The following MYO1D variants were observed in gnomAD, a reference collection of about 807,000 sequenced individuals.
The protein encoded by MYO1D is unconventional myosin-Id.
Under a neutral mutation model 122.0 loss-of-function variants are expected in MYO1D, and 83 were observed. The observed-to-expected ratio is 0.68, with a 90% CI of 0.57 to 0.82. The LOEUF (loss-of-function observed/expected upper bound fraction) is 0.82, where lower values mean the gene tolerates loss of function less well. MYO1D is among the 40% of genes least tolerant of loss of function. MYO1D has a pLI of 0.00. For missense variants in MYO1D, 1,157 were observed against 1,269.5 expected, an observed-to-expected ratio of 0.91 and a Z score of 1.35; for synonymous variants, 464 against 446.9, an observed-to-expected ratio of 1.04 and a Z score of -0.48.
At chr17:32,612,917 C>T (rs181288442) in intron 20 of MYO1D, among the ~76,000 whole-genome samples, 127 of 151,858 alleles carry the variant, frequency 8.4e-4, no homozygotes, top group African/African-American at 2.9e-3. Flanking sequence ...CACAGGAGCA[C>T]GTCACCACAC....
At chr17:32,827,092 G>A (rs2090729115) in intron 1 of MYO1D, among the ~76,000 whole-genome samples, 1 of 151,566 alleles carries the variant, frequency 6.6e-6, no homozygotes, top group Non-Finnish European at 1.5e-5. Flanking sequence ...GCACACTAAT[G>A]TTCATGGCAG....
chr17:32,669,610 C>T (rs1459575125), intron 16 of MYO1D, among the ~76,000 whole-genome samples: 1 of 152,098 alleles, frequency 6.6e-6, no homozygotes, highest in Non-Finnish European at 1.5e-5. Context: ...ATTTGCAGGC[C>T]CCAGGCACTG....
chr17:32,717,942 T>TG (rs2089466934), intron 15 of MYO1D, among the ~76,000 whole-genome samples: 1 of 152,160 alleles, frequency 6.6e-6, no homozygotes, highest in African/African-American at 2.4e-5. Context: ...CCCCTATTCT[T>TG]GGTGTTCTTT....
At chr17:32,521,276 T>C (rs751078131) in intron 21 of MYO1D, among the ~76,000 whole-genome samples, 35 of 151,994 alleles carry the variant, frequency 2.3e-4, no homozygotes, top group African/African-American at 4.8e-5. Flanking sequence ...ACCTACTCCT[T>C]AGAAACACAC....
chr17:32,576,154 C>G (rs2087276856), intron 21 of MYO1D, among the ~76,000 whole-genome samples: 1 of 152,182 alleles, frequency 6.6e-6, no homozygotes, highest in Non-Finnish European at 1.5e-5. Context: ...GGAAGCATGT[C>G]AAAATATCTA....
chr17:32,609,581 C>G (rs529114721), intron 20 of MYO1D, among the ~76,000 whole-genome samples: 1 of 152,270 alleles, frequency 6.6e-6, no homozygotes, highest in East Asian at 1.9e-4. Flanking sequence ...TCTGCAGGCC[C>G]GGGAACTAGA....
At chr17:32,726,560 C>T (rs1049682802) in intron 14 of MYO1D, among the ~76,000 whole-genome samples, 3 of 149,706 alleles carry the variant, frequency 2.0e-5, no homozygotes, top group Admixed American at 6.7e-5. Flanking sequence ...ATGTAAATTA[C>T]AATCTAAATA....
At chr17:32,548,255 TTG>T (rs2086981278) in intron 21 of MYO1D, among the ~76,000 whole-genome samples, 1 of 151,578 alleles carries the variant, frequency 6.6e-6, no homozygotes, top group Admixed American at 6.6e-5. Context: ...TTTATATTTT[TTG>T]TCTCTACAAA....
chr17:32,614,583 C>A (rs2087747648), intron 20 of MYO1D, among the ~76,000 whole-genome samples: 2 of 152,136 alleles, frequency 1.3e-5, no homozygotes, highest in Non-Finnish European at 2.9e-5. Context: ...CTGTTCTGTT[C>A]ATCTGTCTCT....
At chr17:32,722,281 T>C (rs756401891) in intron 14 of MYO1D, among the ~76,000 whole-genome samples, 1 of 152,244 alleles carries the variant, frequency 6.6e-6, no homozygotes, top group Non-Finnish European at 1.5e-5. Context: ...CAGATTATCA[T>C]AAATCTAGTA....
chr17:32,598,127 A>G (rs1179729014), intron 21 of MYO1D, among the ~76,000 whole-genome samples: 2 of 152,162 alleles, frequency 1.3e-5, no homozygotes, highest in Non-Finnish European at 2.9e-5. Flanking sequence ...TAATCCCAGC[A>G]CTTTGCGGGG....
Position 32,618,084 on chromosome 17 carries a change from C to T in MYO1D, c.2710-12843G>A, listed in dbSNP as rs12150312. Among the ~76,000 whole-genome samples, 1,050 of 152,304 alleles carry T rather than the reference C, an allele frequency of 6.9e-3. 4 individuals carry two copies. Among genetic ancestry groups the T allele is most frequent in the Middle Eastern group, 0.014 (4 of 294 alleles). Reference sequence around the variant, plus strand: ...GCTCTCTGTGACTGCACGCCTGGATCACATGATCCAAACATCATACCAGTA... The same window carrying T: ...GCTCTCTGTGACTGCACGCCTGGATTACATGATCCAAACATCATACCAGTA... On this transcript the variant is annotated intron_variant, in intron 20 of 21. Transcript: ENST00000318217.
In MYO1D at chr17:32,605,039, G is replaced by T. The variant is rs767920098; in HGVS notation, c.2864+48C>A. On this transcript the variant is annotated intron_variant, in intron 21 of 21. Transcript: ENST00000318217. ...AAGCTCAGTGATAATTACGATTAAA[G>T]ATTTCATAGATTTAAAACGTGTCTT... The T allele has an allele frequency of 1.0e-5, 15 of 1,488,022 alleles. No homozygotes were observed. The African/African-American group carries it at 2.1e-4, about 21-fold the overall frequency. 92.2% of individuals were successfully genotyped at this position (1,488,022 alleles called of 1,614,324 possible). A position where few individuals can be genotyped will look rare whatever the true frequency, so the allele number is the denominator to read the frequency against.
At chr17:32,709,018 A>G (rs1159693315) in intron 16 of MYO1D, among the ~76,000 whole-genome samples, 4 of 152,180 alleles carry the variant, frequency 2.6e-5, no homozygotes, top group Non-Finnish European at 5.9e-5. Context: ...ATCTTTTTAT[A>G]TATGAGCTGG....
intron 1 of MYO1D, among the ~76,000 whole-genome samples, chr17:32,873,991 C>G (rs916210953): frequency 2.6e-5 from 4 of 152,126 alleles, no homozygotes; most frequent in African/African-American, 9.7e-5. Flanking sequence ...TCACTGTCAC[C>G]CAGAGTCAGC....
chr17:32,580,342 G>A (rs1032824237), intron 21 of MYO1D, among the ~76,000 whole-genome samples: 7 of 84,626 alleles, frequency 8.3e-5, no homozygotes, highest in Non-Finnish European at 1.6e-4. Flanking sequence ...AATGGATGCC[G>A]GATTTTAAAT....
intron 5 of MYO1D, among the ~76,000 whole-genome samples, chr17:32,772,584 A>G (rs960988403): frequency 1.3e-5 from 2 of 152,240 alleles, no homozygotes; most frequent in Non-Finnish European, 2.9e-5. Flanking sequence ...AGCTCCTGCC[A>G]GCTGGGTGGA....
intron 20 of MYO1D, among the ~76,000 whole-genome samples, chr17:32,613,220 T>C (rs1037973088): frequency 1.3e-5 from 2 of 152,192 alleles, no homozygotes; most frequent in Admixed American, 6.5e-5. Context: ...GGTTATGTTA[T>C]AGGCCCAGGT....
chr17:32,828,062 G>A (rs2090738095), intron 1 of MYO1D, among the ~76,000 whole-genome samples: 1 of 152,204 alleles, frequency 6.6e-6, no homozygotes, highest in Non-Finnish European at 1.5e-5. Flanking sequence ...GAGGCTGAAA[G>A]CACAATGAAA....
Sources: gnomAD v4.1 joint callset for allele counts (sites outside exome capture counted in the v4.1 genomes callset) on GRCh38, gnomAD v4.1.1 for gene constraint, MANE v1.5 for transcripts, NCBI Gene and HGNC (gene_info 2026-07-23, HGNC 2026-07-21) for gene names.